The following GFRAL variants were observed in gnomAD, a reference collection of about 807,000 sequenced individuals.
GFRAL encodes the protein GDNF family receptor alpha-like.
A neutral mutation model predicts 45.4 loss-of-function variants in GFRAL; 36 were observed. The ratio of observed to expected loss-of-function variants is 0.79; its 90% CI spans 0.61 to 1.05. The LOEUF (loss-of-function observed/expected upper bound fraction) is 1.05, where lower values mean the gene tolerates loss of function less well. GFRAL is among the 50% of genes least tolerant of loss of function. The pLI is 0.00. For synonymous variants in GFRAL, 166 were observed against 154.1 expected, an observed-to-expected ratio of 1.08 and a Z score of -0.57; for missense variants, 507 against 467.5, an observed-to-expected ratio of 1.08 and a Z score of -0.78.
intron 3 of GFRAL, among the ~76,000 whole-genome samples, chr6:55,342,323 C>A (rs1767978768): frequency 6.6e-6 from 1 of 152,210 alleles, no homozygotes; most frequent in South Asian, 2.1e-4. Context: ...AACAGCAGAT[C>A]TCTCGGCAGA....
chr6:55,349,895 A>T (rs114601948), intron 3 of GFRAL, among the ~76,000 whole-genome samples, 197 bp from the exon 4 acceptor site: 1 of 151,924 alleles, frequency 6.6e-6, no homozygotes, highest in Admixed American at 6.6e-5. Context: ...CACTTGAATG[A>T]TATTTCAGAG....
intron 1 of GFRAL, among the ~76,000 whole-genome samples, chr6:55,331,065 C>T (rs16886572): frequency 0.064 from 9,765 of 152,056 alleles, 529 homozygotes; most frequent in African/African-American, 0.15. Flanking sequence ...ATAACAATTA[C>T]GTACCTATGA....
chr6:55,352,346 G>A (rs1294436297), intron 5 of GFRAL, among the ~76,000 whole-genome samples: 3 of 152,082 alleles, frequency 2.0e-5, no homozygotes, highest in Admixed American at 1.3e-4. Context: ...ATAGAGAAAA[G>A]GGTTAATGAA....
intron 5 of GFRAL, among the ~76,000 whole-genome samples, chr6:55,355,565 T>C (rs1039105116): frequency 8.5e-5 from 13 of 152,200 alleles, no homozygotes; most frequent in African/African-American, 3.1e-4. Context: ...GATTTTTGTA[T>C]GTTAATTTTA....
chr6:55,339,465 A>AT (rs1767933876), intron 3 of GFRAL, among the ~76,000 whole-genome samples: 1 of 152,330 alleles, frequency 6.6e-6, no homozygotes, highest in Admixed American at 6.5e-5. Flanking sequence ...TTATGAGTAG[A>AT]TAAAAAACAT....
At chr6:55,392,805 T>G (rs1768771303) in intron 6 of GFRAL, among the ~76,000 whole-genome samples, 1 of 151,772 alleles carries the variant, frequency 6.6e-6, no homozygotes, top group African/African-American at 2.4e-5. Context: ...ATAAAATAAT[T>G]TGCACAACAA....
At chr6:55,330,462 C>T (rs983278622) in intron 1 of GFRAL, among the ~76,000 whole-genome samples, 1 of 151,932 alleles carries the variant, frequency 6.6e-6, no homozygotes, top group Admixed American at 6.6e-5. Context: ...TGGAAGATGT[C>T]AAATTCAATT....
intron 3 of GFRAL, among the ~76,000 whole-genome samples, chr6:55,339,032 T>G (rs1340507955): frequency 3.9e-5 from 6 of 151,996 alleles, no homozygotes; most frequent in African/African-American, 4.8e-5. Flanking sequence ...ATCAAAATAA[T>G]TTAAGAGAGA....
chr6:55,332,555 C>G (rs1015056950), intron 2 of GFRAL, among the ~76,000 whole-genome samples: 1 of 152,002 alleles, frequency 6.6e-6, no homozygotes, highest in Admixed American at 6.6e-5. Flanking sequence ...TCCAGAGTAG[C>G]TGGGACTACA....
chr6:55,377,002 AAT>A (rs1350365207), intron 6 of GFRAL, among the ~76,000 whole-genome samples: 3 of 151,840 alleles, frequency 2.0e-5, no homozygotes, highest in African/African-American at 7.3e-5. Flanking sequence ...CTTGACAACC[AAT>A]TTCTACCTGA....
chr6:55,387,218 T>C (rs1343319713), intron 6 of GFRAL, among the ~76,000 whole-genome samples: 1 of 152,188 alleles, frequency 6.6e-6, no homozygotes. Context: ...AAAACAATAC[T>C]GTTGCAATTT....
Position 55,327,576 on chromosome 6 carries a change from G to A in GFRAL, c.22G>A (p.Ala8Thr). MIVFIFL[A>T]MGLSLENEYT... ...CAGCATGATAGTGTTTATTTTCTTG[G>A]GTAAGTGAATGGTGCTTCTGGTTTA... is the stretch of plus-strand genomic sequence containing the variant. Residue 8 changes from alanine to threonine, a missense_variant and splice_region_variant, in exon 1 of 9, where the codon GCT becomes ACT. Transcript: ENST00000340465. The A allele has an allele frequency of 6.2e-7, 1 of 1,612,370 alleles. No individual in the cohort carries two copies. The highest frequency in any genetic ancestry group is 8.5e-7 in the Non-Finnish European group (1 of 1,178,834).
chr6:55,380,841 C>T (rs1229679652), intron 6 of GFRAL, among the ~76,000 whole-genome samples: 1 of 151,968 alleles, frequency 6.6e-6, no homozygotes, highest in Non-Finnish European at 1.5e-5. Context: ...AATAGCTTTT[C>T]CTTGCTTTAT....
chr6:55,392,191 A>T (rs1359277129), intron 6 of GFRAL, among the ~76,000 whole-genome samples: 2 of 152,168 alleles, frequency 1.3e-5, no homozygotes, highest in Non-Finnish European at 2.9e-5. Context: ...ACTAGTCCTC[A>T]AAGTGTACCA....
intron 6 of GFRAL, among the ~76,000 whole-genome samples, chr6:55,362,729 G>T (rs1194652164): frequency 6.6e-6 from 1 of 151,924 alleles, no homozygotes; most frequent in Admixed American, 6.6e-5. Flanking sequence ...TGTTCTTTTT[G>T]CATTTCCCAG....
intron 6 of GFRAL, among the ~76,000 whole-genome samples, chr6:55,370,967 C>G (rs1421005826): frequency 1.3e-5 from 2 of 152,174 alleles, no homozygotes; most frequent in African/African-American, 2.4e-5. Flanking sequence ...TGCCTGCTCC[C>G]CATCCTCTGA....
rs533230713 is a variant in GFRAL at position 55,401,301 on chromosome 6, A to C, written c.1122-489A>C. 2.6e-5 allele frequency among the ~76,000 whole-genome samples: 4 copies of C among 152,328 alleles called. No homozygotes were observed. In the South Asian group the frequency reaches 8.3e-4, roughly 32 times the overall value. On this transcript the variant is annotated intron_variant, in intron 8 of 8. Coordinates refer to ENST00000340465, the MANE Select transcript of GFRAL (RefSeq NM_207410.2). ...AGACAAAATTTAAAGCCATCATAAA[A>C]AGAACAAACTGAAACAAAAGCATCA...
At chr6:55,392,714 G>C (rs978526386) in intron 6 of GFRAL, among the ~76,000 whole-genome samples, 1 of 152,012 alleles carries the variant, frequency 6.6e-6, no homozygotes, top group East Asian at 1.9e-4. Context: ...ACACACTTGG[G>C]GGCCTGCTAG....
chr6:55,363,508 A>G (rs1209291152), intron 6 of GFRAL, among the ~76,000 whole-genome samples: 2 of 150,912 alleles, frequency 1.3e-5, no homozygotes, highest in African/African-American at 4.9e-5. Flanking sequence ...ACATATGTAT[A>G]CATGTGCCAT....
Sources: gnomAD v4.1 joint callset for allele counts (sites outside exome capture counted in the v4.1 genomes callset) on GRCh38, gnomAD v4.1.1 for gene constraint, MANE v1.5 for transcripts, NCBI Gene and HGNC (gene_info 2026-07-23, HGNC 2026-07-21) for gene names.